Variants in PARVA observed in about 807,000 individuals in gnomAD.
PARVA encodes the protein alpha-parvin.
Under a neutral mutation model 52.6 loss-of-function variants are expected in PARVA, and 25 were observed. The ratio of observed to expected loss-of-function variants is 0.48; its 90% confidence interval spans 0.35 to 0.66. The LOEUF (loss-of-function observed/expected upper bound fraction) is 0.66, where lower values mean the gene tolerates loss of function less well. Ranked by LOEUF, PARVA falls within the 30% of genes least tolerant of loss-of-function variation. The pLI is 0.01. For missense variants in PARVA, 373 were observed against 450.9 expected, an observed-to-expected ratio of 0.83 and a Z score of 1.56; for synonymous variants, 185 against 179.1, an observed-to-expected ratio of 1.03 and a Z score of -0.26.
intron 4 of PARVA, among the ~76,000 whole-genome samples, chr11:12,492,345 A>G (rs906576950): frequency 6.6e-6 from 1 of 152,218 alleles, no homozygotes; most frequent in Non-Finnish European, 1.5e-5. Context: ...ATCATGCCTA[A>G]TACTTATGAA....
At position 12,531,115 on chromosome 11, in the gene PARVA, C is replaced by T. The variant is rs558999603; in HGVS notation, c.*3190C>T. On this transcript the variant is annotated 3_prime_UTR_variant, in exon 13 of 13. Coordinates refer to ENST00000334956, the MANE Select transcript of PARVA (RefSeq NM_018222.5). ...AGCATCACAAAGGTTACTACATACG[C>T]TATAATACTGTACTATAAAGTCTAG... Among the ~76,000 whole-genome samples the T allele has an allele frequency of 1.4e-4, 21 of 152,302 alleles. No individual in the cohort carries two copies. The highest frequency in any genetic ancestry group is 4.3e-4 in the African/African-American group (18 of 41,562).
At chr11:12,469,110 C>A (rs1303858087) in intron 1 of PARVA, among the ~76,000 whole-genome samples, 1 of 152,110 alleles carries the variant, frequency 6.6e-6, no homozygotes, top group Admixed American at 6.5e-5. Flanking sequence ...GTCAGCTATA[C>A]CCTTGTTATG....
Position 12,507,011 on chromosome 11 carries a change from G to C in PARVA, c.658-1573G>C, listed in dbSNP as rs140635572. On this transcript the variant is annotated intron_variant, in intron 6 of 12. Transcript: ENST00000334956. ...CACAGCCTGTGTTGAAACTGCATGT[G>C]GAAAGAAGTCCTGATTTATCTTCAC... Among the ~76,000 whole-genome samples, 745 of 152,234 alleles carry C rather than the reference G, an allele frequency of 4.9e-3. 7 individuals carry two copies. Among genetic ancestry groups the C allele is most frequent in the Middle Eastern group, 0.02 (6 of 294 alleles).
At chr11:12,522,978 G>T (rs868699702) in intron 12 of PARVA, among the ~76,000 whole-genome samples, 18 of 152,126 alleles carry the variant, frequency 1.2e-4, no homozygotes, top group African/African-American at 3.9e-4. Context: ...GAATGTAGAA[G>T]GGGGAGGGGA....
rs764365887 is a variant in PARVA at position 12,519,222 on chromosome 11, G to A, written c.1042+705G>A. On this transcript the variant is annotated intron_variant, in intron 12 of 12. Transcript: ENST00000334956. ...TATGTCCCCTGGGAACACTGAGAAT[G>A]CCATCTGTGGCCCTTTTGCTCGCAC... Among the ~76,000 whole-genome samples, 89 of 152,240 alleles carry A rather than the reference G, an allele frequency of 5.8e-4. 1 individual carries two copies. Among genetic ancestry groups the A allele is most frequent in the Non-Finnish European group, 1.8e-4 (12 of 68,042 alleles).
At chr11:12,518,383 G>A (rs532573726) in intron 11 of PARVA, 62 bp from the exon 12 acceptor site, 1 of 1,284,472 alleles carries the variant, frequency 7.8e-7, no homozygotes, top group African/African-American at 1.5e-5. Flanking sequence ...TCACTTCCCA[G>A]GGCCAGGTCC....
At chr11:12,494,932 T>G (rs373201535) in intron 4 of PARVA, among the ~76,000 whole-genome samples, 1 of 152,234 alleles carries the variant, frequency 6.6e-6, no homozygotes, top group African/African-American at 2.4e-5. Context: ...CCTAGCATTT[T>G]GGGCAGCCTC....
rs567940113 is a variant in PARVA at position 12,458,497 on chromosome 11, A to G, written c.137-15248A>G. Reference sequence around the variant, plus strand: ...TCATATATGAGGAACAGGATTCTGCAACCTGCTCATTCTTGGTTGCTTCTT... The same window carrying G: ...TCATATATGAGGAACAGGATTCTGCGACCTGCTCATTCTTGGTTGCTTCTT... On this transcript the variant is annotated intron_variant, in intron 1 of 12. Coordinates refer to ENST00000334956, the MANE Select transcript of PARVA (RefSeq NM_018222.5). Among the ~76,000 whole-genome samples, 7 of 152,346 alleles carry G rather than the reference A, an allele frequency of 4.6e-5. No individual in the cohort carries two copies. The South Asian group carries it at 1.4e-3, about 32-fold the overall frequency.
intron 12 of PARVA, 31 bp downstream of exon 12, chr11:12,518,548 C>T (rs1941599381): frequency 6.7e-7 from 1 of 1,495,138 alleles, no homozygotes; most frequent in Non-Finnish European, 9.3e-7. Flanking sequence ...TTTGTGACAA[C>T]AGAGTGAGAC....
intron 1 of PARVA, among the ~76,000 whole-genome samples, chr11:12,459,707 T>A (rs1940749801): frequency 6.6e-6 from 1 of 152,164 alleles, no homozygotes; most frequent in South Asian, 2.1e-4. Flanking sequence ...CAAGATTATA[T>A]GACATGAAAA....
intron 3 of PARVA, among the ~76,000 whole-genome samples, chr11:12,475,767 C>T (rs1941004787): frequency 6.6e-6 from 1 of 152,346 alleles, no homozygotes; most frequent in South Asian, 2.1e-4. Flanking sequence ...CGCCATGCAG[C>T]CCCTTGCTCC....
At chr11:12,426,706 A>T (rs941864110) in intron 1 of PARVA, among the ~76,000 whole-genome samples, 13 of 152,204 alleles carry the variant, frequency 8.5e-5, no homozygotes, top group African/African-American at 2.9e-4. Context: ...GAAAGGGGCC[A>T]GGGTATCACC....
At chr11:12,399,695 G>A (rs61875451) in intron 1 of PARVA, among the ~76,000 whole-genome samples, 16,672 of 151,946 alleles carry the variant, frequency 0.11, 1,279 homozygotes, top group African/African-American at 0.21. Flanking sequence ...TTTTTAGCTT[G>A]TATATACTTT....
chr11:12,406,341 C>T (rs1939905963), intron 1 of PARVA, among the ~76,000 whole-genome samples: 2 of 152,206 alleles, frequency 1.3e-5, no homozygotes, highest in Admixed American at 1.3e-4. Flanking sequence ...AGGATAACCT[C>T]ATTTACTTAA....
intron 1 of PARVA, among the ~76,000 whole-genome samples, chr11:12,387,874 A>G (rs894061405): frequency 2.5e-4 from 38 of 152,244 alleles, no homozygotes; most frequent in African/African-American, 9.1e-4. Context: ...TATTTATATG[A>G]AGGAGGACTA....
intron 1 of PARVA, among the ~76,000 whole-genome samples, chr11:12,468,610 A>G (rs1367730541): frequency 6.6e-6 from 1 of 152,160 alleles, no homozygotes; most frequent in Non-Finnish European, 1.5e-5. Context: ...ATTGGCTCAA[A>G]CAGTAAGGGA....
chr11:12,451,444 A>T (rs1236783075), intron 1 of PARVA, among the ~76,000 whole-genome samples: 1 of 149,520 alleles, frequency 6.7e-6, no homozygotes, highest in African/African-American at 2.5e-5. Flanking sequence ...CTAGGTAGAG[A>T]TGCTTTTTTT....
intron 5 of PARVA, among the ~76,000 whole-genome samples, chr11:12,501,459 G>A (rs1296866337): frequency 6.6e-6 from 1 of 152,116 alleles, no homozygotes. Flanking sequence ...GATTTGCAAG[G>A]AGAAACTCTA....
rs1940711048 is a variant in PARVA at position 12,457,318 on chromosome 11, G to A, written c.137-16427G>A. 2.6e-5 allele frequency among the ~76,000 whole-genome samples: 4 copies of A among 152,176 alleles called. No homozygotes were observed. The South Asian group carries it at 8.3e-4, about 32-fold the overall frequency. On this transcript the variant is annotated intron_variant, in intron 1 of 12. Coordinates refer to ENST00000334956, the MANE Select transcript of PARVA (RefSeq NM_018222.5). The stretch of plus-strand genomic sequence containing the variant: ...GTTGGTTTAGGAAAAAAAAATCAGG[G>A]TGCTGCAATGGGTCTGTGCTGCACA...
Sources: allele counts gnomAD v4.1 joint callset (sites outside exome capture counted in the v4.1 genomes callset), GRCh38; gene constraint gnomAD v4.1.1; transcripts MANE v1.5; gene names NCBI Gene and HGNC (gene_info 2026-07-23, HGNC 2026-07-21).